Variants in ANO3 observed in about 807,000 individuals in gnomAD.
The protein encoded by ANO3 is anoctamin-3.
ANO3 carries 99 observed loss-of-function variants against 144.8 expected under a neutral mutation model. That is an observed-to-expected ratio of 0.68 (90% CI 0.58 to 0.81). The LOEUF (loss-of-function observed/expected upper bound fraction) is 0.81. ANO3 is among the 30% of genes least tolerant of loss of function. The pLI is 0.00. For synonymous variants in ANO3, 414 were observed against 392.6 expected (o/e 1.05, Z -0.64); for missense variants, 905 against 1,202.2 (o/e 0.75, Z 3.66).
intron 1 of ANO3, among the ~76,000 whole-genome samples, chr11:26,266,470 GT>G (rs1564940399): frequency 7.4e-6 from 1 of 134,876 alleles, no homozygotes; most frequent in Non-Finnish European, 1.5e-5. Flanking sequence ...GTCTCACTCT[GT>G]TTCCCAGGCT....
chr11:26,329,972 G>A (rs1449404736), upstream of ANO3, among the ~76,000 whole-genome samples: 2 of 152,038 alleles, frequency 1.3e-5, no homozygotes, highest in African/African-American at 2.4e-5. Context: ...GCCACCGCCC[G>A]GCGAGGGGAC....
intron 1 of ANO3, among the ~76,000 whole-genome samples, chr11:26,296,784 T>G (rs1294863482): frequency 3.3e-5 from 5 of 152,182 alleles, no homozygotes; most frequent in African/African-American, 1.2e-4. Context: ...AAATGTTTTC[T>G]TAATATATCA....
At chr11:26,519,823 T>C (rs1009037667) in intron 6 of ANO3, among the ~76,000 whole-genome samples, 10 of 152,216 alleles carry the variant, frequency 6.6e-5, no homozygotes, top group Non-Finnish European at 2.9e-5. Context: ...TATTTGACTT[T>C]CATAGTTTCA....
chr11:26,576,945 G>GT (rs1387819571), intron 14 of ANO3, among the ~76,000 whole-genome samples: 1 of 149,156 alleles, frequency 6.7e-6, no homozygotes, highest in East Asian at 2.0e-4. Context: ...TGAGACAGCT[G>GT]TAAGTTTACT....
intron 1 of ANO3, among the ~76,000 whole-genome samples, chr11:26,234,062 G>A (rs1418588762): frequency 6.6e-6 from 1 of 152,134 alleles, no homozygotes; most frequent in Non-Finnish European, 1.5e-5. Context: ...GTATACCTAT[G>A]TAACAAGCCT....
chr11:26,582,873 T>C (rs1851172604), intron 14 of ANO3, among the ~76,000 whole-genome samples: 1 of 152,216 alleles, frequency 6.6e-6, no homozygotes, highest in Admixed American at 6.5e-5. Flanking sequence ...AATATTCAAC[T>C]GAATTAAAGA....
chr11:26,394,488 G>A (rs57467958), intron 1 of ANO3, among the ~76,000 whole-genome samples: 40,211 of 151,202 alleles, frequency 0.27, 6,004 homozygotes, highest in African/African-American at 0.41. Context: ...ATCTCTCTAG[G>A]CAAACAGTAT....
chr11:26,410,722 G>T (rs951250895), intron 1 of ANO3, among the ~76,000 whole-genome samples: 1 of 151,980 alleles, frequency 6.6e-6, no homozygotes, highest in South Asian at 2.1e-4. Context: ...CCTTAAGAAG[G>T]CAGATTTCTG....
Position 26,409,558 on chromosome 11 carries a change from T to C in ANO3, c.47-32360T>C, listed in dbSNP as rs186168317. On this transcript the variant is annotated intron_variant, in intron 1 of 26. Transcript: ENST00000256737. ...TGAAATTGAAGGGACAACAATTACA[T>C]GAATCATGTCAGTACACTAAATTTA... 2.6e-5 allele frequency among the ~76,000 whole-genome samples: 4 copies of C among 152,048 alleles called. No individual in the cohort carries two copies. The East Asian group carries it at 7.8e-4, about 30-fold the overall frequency.
chr11:26,194,825 CA>C (rs1851552955), intron 1 of ANO3, among the ~76,000 whole-genome samples: 1 of 152,084 alleles, frequency 6.6e-6, no homozygotes, highest in African/African-American at 2.4e-5. Flanking sequence ...CTTGGCCTTG[CA>C]AAGTGCTGGG....
intron 19 of ANO3, among the ~76,000 whole-genome samples, chr11:26,634,731 A>G (rs1268400296): frequency 6.6e-6 from 1 of 152,234 alleles, no homozygotes; most frequent in Non-Finnish European, 1.5e-5. Flanking sequence ...CATTATTGTA[A>G]TAGTCATTAA....
intron 1 of ANO3, among the ~76,000 whole-genome samples, chr11:26,211,407 AC>A (rs1441968377): frequency 6.6e-6 from 1 of 151,982 alleles, no homozygotes; most frequent in Non-Finnish European, 1.5e-5. Flanking sequence ...AGAAAGGGAA[AC>A]AGATCTAAAA....
intron 14 of ANO3, among the ~76,000 whole-genome samples, chr11:26,593,950 G>C (rs575715544): frequency 4.6e-5 from 7 of 152,164 alleles, no homozygotes; most frequent in African/African-American, 1.7e-4. Flanking sequence ...AGTTTTGCTC[G>C]GGGCCTAAGG....
At chr11:26,191,984 A>G (rs1851487557) in intron 1 of ANO3, among the ~76,000 whole-genome samples, 1 of 152,230 alleles carries the variant, frequency 6.6e-6, no homozygotes, top group Non-Finnish European at 1.5e-5. Flanking sequence ...CATGATACAC[A>G]TATAAAAATT....
chr11:26,253,417 G>C (rs1852980460), intron 1 of ANO3, among the ~76,000 whole-genome samples: 1 of 152,084 alleles, frequency 6.6e-6, no homozygotes, highest in Non-Finnish European at 1.5e-5. Flanking sequence ...TGGAGGGTGA[G>C]AGGAGGGAGA....
chr11:26,609,070 G>A (rs117129576), intron 17 of ANO3, among the ~76,000 whole-genome samples: 4,674 of 152,264 alleles, frequency 0.031, 103 homozygotes, highest in Non-Finnish European at 0.049. Flanking sequence ...AGTGGCATGG[G>A]TTCACAAGTG....
chr11:26,299,742 A>T (rs772247197), intron 1 of ANO3, among the ~76,000 whole-genome samples: 27 of 152,254 alleles, frequency 1.8e-4, no homozygotes, highest in Middle Eastern at 3.4e-3. Flanking sequence ...GCTGTCCTGA[A>T]GTAGGAGTGA....
intron 24 of ANO3, among the ~76,000 whole-genome samples, chr11:26,653,347 C>T (rs925573659): frequency 6.6e-6 from 1 of 151,598 alleles, no homozygotes; most frequent in Admixed American, 6.6e-5. Flanking sequence ...GCCTTGAATA[C>T]TTTTTTTTTC....
At chr11:26,445,097 C>T (rs1397900523) in intron 3 of ANO3, among the ~76,000 whole-genome samples, 2 of 152,248 alleles carry the variant, frequency 1.3e-5, no homozygotes, top group Admixed American at 6.5e-5. Context: ...TATACTTACT[C>T]GCTGAGCATC....
Sources: gnomAD v4.1 joint callset for allele counts (sites outside exome capture counted in the v4.1 genomes callset) on GRCh38, gnomAD v4.1.1 for gene constraint, MANE v1.5 for transcripts, NCBI Gene and HGNC (gene_info 2026-07-23, HGNC 2026-07-21) for gene names.